Variants in KCNH5 observed in about 807,000 individuals in gnomAD.
KCNH5 encodes the protein potassium voltage-gated channel subfamily H member 5.
In KCNH5, 46 loss-of-function variants were observed where a neutral mutation model predicts 96.1. The ratio of observed to expected loss-of-function variants is 0.48; its 90% CI spans 0.38 to 0.61. The LOEUF is 0.61. KCNH5 is among the 20% of genes least tolerant of loss of function. The pLI is 0.00. For missense variants in KCNH5, 907 were observed against 1,225.8 expected, an observed-to-expected ratio of 0.74 and a Z score of 3.88; for synonymous variants, 439 against 449.8, an observed-to-expected ratio of 0.98 and a Z score of 0.30.
intron 7 of KCNH5, among the ~76,000 whole-genome samples, chr14:62,890,978 ATT>A (rs1448291221): frequency 6.6e-6 from 1 of 152,096 alleles, no homozygotes; most frequent in Non-Finnish European, 1.5e-5. Context: ...TAGTTCAACT[ATT>A]GTGGAAAGCA....
intron 7 of KCNH5, among the ~76,000 whole-genome samples, chr14:62,945,778 A>G (rs1042390121): frequency 5.3e-5 from 8 of 152,074 alleles, no homozygotes; most frequent in Non-Finnish European, 1.0e-4. Flanking sequence ...TGTTATAAGC[A>G]ATGGGAAAGC....
chr14:62,962,619 T>G (rs1890234195), intron 6 of KCNH5, among the ~76,000 whole-genome samples: 1 of 152,108 alleles, frequency 6.6e-6, no homozygotes, highest in Non-Finnish European at 1.5e-5. Flanking sequence ...TAGAAGAACT[T>G]GTTGAGTCAC....
chr14:62,759,834 GT>G (rs1885709604), intron 10 of KCNH5, among the ~76,000 whole-genome samples: 2 of 152,088 alleles, frequency 1.3e-5, no homozygotes, highest in South Asian at 4.1e-4. Flanking sequence ...TACTTTCATA[GT>G]TTTTTCACCA....
rs778225685 is a variant in KCNH5 at position 62,802,496 on chromosome 14, C to A, written c.1655G>T (p.Arg552Leu). ...GCGCAGACACCCATCGCTGGCCAAT[C>A]GAAAAGCAGGATGTTCATTAAAAAC... ...RKVFNEHPAF[R>L]LASDGCLRAL... Residue 552 changes from arginine to leucine, a missense_variant, in exon 9 of 11, where the codon CGA (arginine) becomes CTA (leucine). By Grantham distance (102) the Arg-to-Leu change is moderately radical (BLOSUM62 -2). Around this residue, in one of 6 missense-constraint regions of KCNH5, gnomAD observed 95 missense variants for 111.8 expected, o/e 0.85. Transcript: ENST00000322893. 1.2e-6 allele frequency: 2 copies of A among 1,614,032 alleles called. No individual in the cohort carries two copies. Among genetic ancestry groups the A allele is most frequent in the Non-Finnish European group, 1.7e-6 (2 of 1,180,004 alleles).
chr14:62,848,853 A>C (rs1487455098), intron 8 of KCNH5, among the ~76,000 whole-genome samples: 1 of 152,222 alleles, frequency 6.6e-6, no homozygotes, highest in African/African-American at 2.4e-5. Flanking sequence ...CCTAAAAAGA[A>C]TAGTCTCCAA....
chr14:63,020,141 T>C (rs989291233), intron 1 of KCNH5, among the ~76,000 whole-genome samples: 2 of 152,130 alleles, frequency 1.3e-5, no homozygotes, highest in African/African-American at 4.8e-5. Flanking sequence ...GCTCAATTAC[T>C]AGAGTAGTTT....
chr14:62,976,171 C>A (rs1020506057), intron 6 of KCNH5, among the ~76,000 whole-genome samples: 1 of 150,722 alleles, frequency 6.6e-6, no homozygotes, highest in Non-Finnish European at 1.5e-5. Flanking sequence ...GAGGCCAAGA[C>A]GGGTGGATCA....
At chr14:63,006,016 C>A (rs935548112) in intron 3 of KCNH5, among the ~76,000 whole-genome samples, 1 of 152,022 alleles carries the variant, frequency 6.6e-6, no homozygotes, top group African/African-American at 2.4e-5. Context: ...TAACAATTAC[C>A]GTTTTCTTTA....
intron 8 of KCNH5, among the ~76,000 whole-genome samples, chr14:62,828,940 A>T (rs2140025399): frequency 6.6e-6 from 1 of 152,308 alleles, no homozygotes; most frequent in Admixed American, 6.5e-5. Flanking sequence ...AGATACAATA[A>T]GGATACAGGC....
chr14:62,978,236 G>A (rs1038865464), intron 6 of KCNH5, among the ~76,000 whole-genome samples: 1 of 152,176 alleles, frequency 6.6e-6, no homozygotes, highest in South Asian at 2.1e-4. Context: ...AGCTACCACT[G>A]TGAGATCACC....
intron 7 of KCNH5, among the ~76,000 whole-genome samples, chr14:62,876,984 T>A (rs2140072114): frequency 6.6e-6 from 1 of 152,258 alleles, no homozygotes; most frequent in South Asian, 2.1e-4. Flanking sequence ...AAACATAGGA[T>A]AGAATCCTTT....
chr14:62,846,531 C>G (rs1487558130), intron 8 of KCNH5, among the ~76,000 whole-genome samples: 1 of 151,512 alleles, frequency 6.6e-6, no homozygotes, highest in African/African-American at 2.4e-5. Context: ...ATTTAATTCT[C>G]AGTTTTTCTG....
chr14:62,962,334 A>T (rs1307593053), intron 6 of KCNH5, among the ~76,000 whole-genome samples: 2 of 152,170 alleles, frequency 1.3e-5, no homozygotes, highest in East Asian at 3.8e-4. Flanking sequence ...CCTAATCCAG[A>T]TATAAAAAAA....
At chr14:62,894,291 C>T (rs754835395) in intron 7 of KCNH5, among the ~76,000 whole-genome samples, 7 of 152,122 alleles carry the variant, frequency 4.6e-5, no homozygotes, top group South Asian at 2.1e-4. Context: ...TCACAAAACA[C>T]GCACACAGGC....
chr14:62,875,205 T>C (rs1288232283), intron 7 of KCNH5, among the ~76,000 whole-genome samples: 7 of 150,226 alleles, frequency 4.7e-5, no homozygotes, highest in Non-Finnish European at 1.0e-4. Context: ...TACAAACAAA[T>C]GGAAGAACAT....
At chr14:62,979,921 C>T (rs544929233) in intron 6 of KCNH5, among the ~76,000 whole-genome samples, 2 of 152,284 alleles carry the variant, frequency 1.3e-5, no homozygotes, top group South Asian at 4.2e-4. Flanking sequence ...TCTGTGTCCC[C>T]ACCCAAATCT....
At chr14:62,914,278 A>G (rs1889231106) in intron 7 of KCNH5, among the ~76,000 whole-genome samples, 1 of 152,100 alleles carries the variant, frequency 6.6e-6, no homozygotes, top group Non-Finnish European at 1.5e-5. Flanking sequence ...TCATGTTTAT[A>G]TTTTCTGGAA....
At chr14:62,938,732 T>C (rs1007262486) in intron 7 of KCNH5, among the ~76,000 whole-genome samples, 2 of 152,184 alleles carry the variant, frequency 1.3e-5, no homozygotes, top group Non-Finnish European at 2.9e-5. Context: ...CTGAAAAATA[T>C]TTTCTCATAG....
intron 10 of KCNH5, among the ~76,000 whole-genome samples, chr14:62,721,499 GCTCT>G (rs10567188): frequency 3.3e-4 from 49 of 149,214 alleles, no homozygotes; most frequent in South Asian, 2.1e-3. Flanking sequence ...TCACTCACTC[GCTCT>G]CTCTCTCTCT....
Sources: allele counts gnomAD v4.1 joint callset (sites outside exome capture counted in the v4.1 genomes callset), GRCh38; gene constraint gnomAD v4.1.1; regional missense constraint gnomAD v4.1.1; transcripts MANE v1.5; gene names NCBI Gene and HGNC (gene_info 2026-07-23, HGNC 2026-07-21).